Variants in PIEZO1 observed in about 807,000 individuals in gnomAD.
PIEZO1 encodes piezo-type mechanosensitive ion channel component 1.
In PIEZO1, 296 loss-of-function variants were observed where a neutral mutation model predicts 297.2. The observed-to-expected ratio is 1.00, with a 90% CI of 0.91 to 1.10. The LOEUF is 1.10. PIEZO1 is among the 50% of genes least tolerant of loss of function. PIEZO1 has a pLI of 0.00. For missense variants in PIEZO1, 5,018 were observed against 3,455.5 expected, an observed-to-expected ratio of 1.45 and a Z score of -11.34; for synonymous variants, 2,427 against 1,507.5, an observed-to-expected ratio of 1.61 and a Z score of -14.13.
chr16:88,782,106 C>T (rs1271177638), intron 1 of PIEZO1, among the ~76,000 whole-genome samples: 1 of 152,290 alleles, frequency 6.6e-6, no homozygotes, highest in Non-Finnish European at 1.5e-5. Context: ...CACAAATGTC[C>T]TGCCCTTTTT....
At chr16:88,750,519 G>A (rs958975131) in intron 1 of PIEZO1, among the ~76,000 whole-genome samples, 17 of 152,190 alleles carry the variant, frequency 1.1e-4, no homozygotes, top group Admixed American at 3.3e-4. Context: ...AGAAGGTCCC[G>A]GGGCCTGGCC....
At chr16:88,768,612 C>T (rs1261365474) in intron 1 of PIEZO1, among the ~76,000 whole-genome samples, 4 of 152,208 alleles carry the variant, frequency 2.6e-5, no homozygotes, top group East Asian at 1.9e-4. Context: ...CTCCCTAGTC[C>T]GTGGGGCAGG....
At chr16:88,766,781 G>A (rs1339472260) in intron 1 of PIEZO1, among the ~76,000 whole-genome samples, 2 of 152,348 alleles carry the variant, frequency 1.3e-5, no homozygotes, top group African/African-American at 2.4e-5. Context: ...AGGATCACCA[G>A]CCCCAGAACG....
chr16:88,775,100 G>C (rs1907597927), intron 1 of PIEZO1, among the ~76,000 whole-genome samples: 1 of 152,184 alleles, frequency 6.6e-6, no homozygotes, highest in Non-Finnish European at 1.5e-5. Flanking sequence ...TGACACCCAG[G>C]ACGTAACGGA....
At chr16:88,725,540 GT>G in intron 28 of PIEZO1, 21 bp from the exon 29 acceptor site, 1 of 1,536,632 alleles carries the variant, frequency 6.5e-7, no homozygotes, top group Non-Finnish European at 8.8e-7. Flanking sequence ...GAAAGGTGGG[GT>G]ATGCTGAGCA....
chr16:88,738,032 G>A lies in PIEZO1; in HGVS notation c.922C>T (p.Leu308=), dbSNP rs768346095. 6.5e-7 allele frequency: 1 copy of A among 1,535,652 alleles called. No homozygotes were observed. The highest frequency in any genetic ancestry group is 8.7e-7 in the Non-Finnish European group (1 of 1,146,818). ...GGGCTGGCATACACAGGCCAGTCCAGGCCGGTGTTGAGGACCAGCGCGTGG... is the reference window on the plus strand; with the variant it reads ...GGGCTGGCATACACAGGCCAGTCCAAGCCGGTGTTGAGGACCAGCGCGTGG... ...SPHALVLNTG[L]DWPVYASPGV... is the part of the protein sequence containing the mutation. The change falls in exon 8 of 51, where the codon CTG becomes TTG. Residue 308 remains leucine (L), a synonymous_variant. Transcript: ENST00000301015.
chr16:88,715,643 G>A lies in PIEZO1; in HGVS notation c.7528C>T (p.Pro2510Ser). 1 of 1,550,252 alleles carries A rather than the reference G, an allele frequency of 6.5e-7. No homozygotes were observed. Reference protein sequence around the residue: ...YAKLIFLYRSPETMIKWTREK... With the variant: ...YAKLIFLYRSSETMIKWTREK... The stretch of plus-strand genomic sequence containing the variant: ...CGAGTCCACTTGATCATGGTCTCCG[G>A]TGAGCGGTAGAGGAAGATGAGCTTG... The change falls in exon 51 of 51, where the codon CCG becomes TCG. Residue 2510 changes from proline (P) to serine (S), a missense_variant. By Grantham distance (74) the Pro-to-Ser change is moderately conservative (BLOSUM62 -1). Transcript: ENST00000301015.
intron 1 of PIEZO1, among the ~76,000 whole-genome samples, chr16:88,758,982 C>T (rs1038390467): frequency 6.6e-6 from 1 of 152,228 alleles, no homozygotes; most frequent in Non-Finnish European, 1.5e-5. Context: ...GGAAGATCCA[C>T]ACCAAGCTGT....
At chr16:88,748,491 C>T (rs77469954) in intron 2 of PIEZO1, among the ~76,000 whole-genome samples, 2 of 9,728 alleles carry the variant, frequency 2.1e-4, no homozygotes, top group Non-Finnish European at 3.3e-4. Context: ...TCTCAGCTCC[C>T]CCCCCCCCCC....
chr16:88,743,832 C>A, intron 2 of PIEZO1: 3 of 360,368 alleles, frequency 8.3e-6, no homozygotes, highest in Non-Finnish European at 1.7e-5. Context: ...AGGCCCTGAC[C>A]TGCTGACCCT....
intron 10 of PIEZO1, chr16:88,737,323 G>A (rs949259671): frequency 2.0e-5 from 10 of 495,662 alleles, no homozygotes; most frequent in Middle Eastern, 5.4e-4. Context: ...GATCAACGAC[G>A]CGGCCACTCA....
intron 1 of PIEZO1, among the ~76,000 whole-genome samples, chr16:88,761,621 C>T (rs1597480329): frequency 6.6e-6 from 1 of 152,276 alleles, no homozygotes; most frequent in East Asian, 1.9e-4. Context: ...TTGGGGTCCG[C>T]AGTGAACGAC....
intron 21 of PIEZO1, 74 bp from the exon 22 acceptor site, chr16:88,731,984 G>T (rs1442291232): frequency 6.5e-6 from 1 of 152,964 alleles, no homozygotes; most frequent in Non-Finnish European, 1.3e-5. Context: ...CCACCCAGCA[G>T]GCCTCAGGCT....
chr16:88,772,782 A>C (rs1421765876), intron 1 of PIEZO1, among the ~76,000 whole-genome samples: 1 of 151,156 alleles, frequency 6.6e-6, no homozygotes, highest in African/African-American at 2.4e-5. Flanking sequence ...TGTCAAAAAA[A>C]AAAAAAAAAA....
In PIEZO1 at chr16:88,722,314, C is replaced by A. The variant is rs758910890; in HGVS notation, c.4859G>T (p.Gly1620Val). 1 of 1,546,926 alleles carries A rather than the reference C, an allele frequency of 6.5e-7. No individual in the cohort carries two copies. The highest frequency in any genetic ancestry group is 1.4e-5 in the African/African-American group (1 of 73,004). Residue 1620 changes from glycine to valine, a missense_variant, in exon 36 of 51, where the codon GGC becomes GTC. Coordinates refer to ENST00000301015, the MANE Select transcript of PIEZO1 (RefSeq NM_001142864.4). Reference sequence around the variant, plus strand: ...GGGGTCGGTGACTGCCTCCTCACTGCCACTGCGCGTGTGGTAGCCGGTGCT... The same window carrying A: ...GGGGTCGGTGACTGCCTCCTCACTGACACTGCGCGTGTGGTAGCCGGTGCT... ...PLSTGYHTRS[G>V]SEEAVTDPGE...
Position 88,721,621 on chromosome 16 carries a change from G to A in PIEZO1, c.5320C>T (p.Leu1774=). The A allele has an allele frequency of 6.5e-7, 1 of 1,550,272 alleles. No individual in the cohort carries two copies. The highest frequency in any genetic ancestry group is 8.7e-7 in the Non-Finnish European group (1 of 1,146,900). The change falls in exon 38 of 51, where the codon CTG becomes TTG. Residue 1774 remains leucine (L), a synonymous_variant. Coordinates refer to ENST00000301015, the MANE Select transcript of PIEZO1 (RefSeq NM_001142864.4). ...TAGCCGTCAGTCTTCTCCAGGCCCA[G>A]GATGCGGGGCGGGAAGTAGGGCTTG... The part of the protein sequence containing the change: ...ENKPYFPPRI[L]GLEKTDGYIK...
chr16:88,749,392 C>A lies in PIEZO1; in HGVS notation c.152G>T (p.Gly51Val). ...GGGTCCCCTGGCCTTACCTTGGAGG[C>A]CGCATCGGGTGGGGCCGGGGAACCA... ...LPWFPGPTRCGLQGHTGRLLR... is the reference protein window; with the variant it reads ...LPWFPGPTRCVLQGHTGRLLR... Residue 51 changes from glycine to valine, a missense_variant, in exon 2 of 51, where the codon GGC becomes GTC. Gly to Val is a moderately radical substitution (Grantham distance 109). Transcript: ENST00000301015. The A allele has an allele frequency of 6.6e-7, 1 of 1,506,436 alleles. No individual in the cohort carries two copies. Among genetic ancestry groups the A allele is most frequent in the Non-Finnish European group, 8.8e-7 (1 of 1,135,004 alleles). The allele number at this position is 1,506,436 out of a possible 1,614,324, so 93.3% of individuals were successfully genotyped here. A position where few individuals can be genotyped will look rare whatever the true frequency, so the allele number is the denominator to read the frequency against.
At chr16:88,725,349 G>C (rs1232690726) in intron 29 of PIEZO1, 67 bp downstream of exon 29, 6 of 987,674 alleles carry the variant, frequency 6.1e-6, no homozygotes, top group Admixed American at 3.0e-5. Flanking sequence ...CACAGACGCA[G>C]CACACGCCAG....
chr16:88,738,186 C>G, intron 7 of PIEZO1, 41 bp downstream of exon 7: 2 of 1,533,710 alleles, frequency 1.3e-6, no homozygotes, highest in Non-Finnish European at 1.7e-6. Context: ...GTGGGCGGGA[C>G]CAGGGTGGCA....
Sources: allele counts gnomAD v4.1 joint callset (sites outside exome capture counted in the v4.1 genomes callset), GRCh38; gene constraint gnomAD v4.1.1; transcripts MANE v1.5; gene names NCBI Gene and HGNC (gene_info 2026-07-23, HGNC 2026-07-21).